The following SNX29 variants were observed in gnomAD, a reference collection of about 807,000 sequenced individuals.
SNX29 encodes the protein sorting nexin-29.
Under a neutral mutation model 102.1 loss-of-function variants are expected in SNX29, and 78 were observed. The ratio of observed to expected loss-of-function variants is 0.76; its 90% CI spans 0.64 to 0.92. SNX29 has a LOEUF of 0.92. SNX29 is among the 40% of genes least tolerant of loss of function. The probability of loss-of-function intolerance (pLI) is 0.00; values close to 1 mark genes in which losing one functional copy is unlikely to be tolerated. For missense variants in SNX29, 1,280 were observed against 1,061.7 expected (o/e 1.21, Z -2.86); for synonymous variants, 580 against 414.5 (o/e 1.40, Z -4.85).
chr16:12,530,537 C>T (rs1001998800), intron 20 of SNX29, among the ~76,000 whole-genome samples: 2 of 138,054 alleles, frequency 1.4e-5, no homozygotes, highest in African/African-American at 5.5e-5. Flanking sequence ...TGAAATTTGC[C>T]TTCGTTTTTT....
intron 18 of SNX29, among the ~76,000 whole-genome samples, chr16:12,461,978 A>ATAATAT (rs869301507): frequency 1.8e-4 from 5 of 27,352 alleles, no homozygotes; most frequent in African/African-American, 4.1e-4. Flanking sequence ...AAAAAAAAAA[A>ATAATAT]ATATATATAT....
At chr16:12,547,010 A>G (rs1389019284) in intron 20 of SNX29, among the ~76,000 whole-genome samples, 1 of 151,878 alleles carries the variant, frequency 6.6e-6, no homozygotes, top group East Asian at 1.9e-4. Flanking sequence ...TCAGATCCTG[A>G]TAGTTCAACA....
At chr16:12,461,165 A>C (rs1296194191) in intron 18 of SNX29, among the ~76,000 whole-genome samples, 2 of 152,220 alleles carry the variant, frequency 1.3e-5, no homozygotes, top group African/African-American at 4.8e-5. Context: ...TCAAGATTCT[A>C]TCTCAGGCAG....
At chr16:12,296,638 C>T (rs2079990691) in intron 15 of SNX29, among the ~76,000 whole-genome samples, 1 of 150,392 alleles carries the variant, frequency 6.6e-6, no homozygotes, top group Non-Finnish European at 1.5e-5. Context: ...CTGCAGGTCA[C>T]ATTGTGCCAA....
intron 9 of SNX29, among the ~76,000 whole-genome samples, chr16:12,067,841 T>C (rs2051105742): frequency 6.6e-6 from 1 of 152,178 alleles, no homozygotes; most frequent in Non-Finnish European, 1.5e-5. Context: ...GGCCTTAATG[T>C]CACCATGCAG....
At chr16:12,127,134 C>G (rs1394596385) in intron 12 of SNX29, among the ~76,000 whole-genome samples, 1 of 151,812 alleles carries the variant, frequency 6.6e-6, no homozygotes. Flanking sequence ...TGCTGCGTGC[C>G]TGTAATCCCA....
At position 12,091,922 on chromosome 16, in the gene SNX29, C is replaced by T. The variant is rs139380840; in HGVS notation, c.1402+13007C>T. ...TGTCGGTGCCTTGATCTTGGACTTC[C>T]AGCTGCCAGAACTGTGAGAAAATCA... On this transcript the variant is annotated intron_variant, in intron 11 of 20. Coordinates refer to ENST00000566228, the MANE Select transcript of SNX29 (RefSeq NM_032167.5). Among the ~76,000 whole-genome samples, 35 of 152,250 alleles carry T rather than the reference C, an allele frequency of 2.3e-4. No homozygotes were observed. The East Asian group carries it at 6.8e-3, about 29-fold the overall frequency.
At chr16:11,997,461 T>C (rs2151008003) in intron 1 of SNX29, among the ~76,000 whole-genome samples, 2 of 152,130 alleles carry the variant, frequency 1.3e-5, no homozygotes, top group East Asian at 3.9e-4. Flanking sequence ...ACTTTTTCAT[T>C]GATTAGTTTA....
chr16:12,397,244 C>G (rs182771976), intron 16 of SNX29, among the ~76,000 whole-genome samples: 7 of 152,322 alleles, frequency 4.6e-5, no homozygotes, highest in African/African-American at 1.4e-4. Context: ...CTTCAAGTTT[C>G]TTCATTTCTT....
intron 14 of SNX29, among the ~76,000 whole-genome samples, chr16:12,204,978 C>T (rs2077008956): frequency 6.6e-6 from 1 of 152,156 alleles, no homozygotes; most frequent in African/African-American, 2.4e-5. Context: ...GTCAGTTTCC[C>T]TGGGATGAGT....
chr16:12,086,730 A>G (rs1307734643), intron 11 of SNX29: 1 of 152,070 alleles, frequency 6.6e-6, no homozygotes, highest in Non-Finnish European at 1.5e-5. Flanking sequence ...CAAATTTTAA[A>G]ATGAAGAAAA....
chr16:12,433,923 G>A (rs1025460707), intron 18 of SNX29, among the ~76,000 whole-genome samples: 20 of 152,294 alleles, frequency 1.3e-4, no homozygotes, highest in African/African-American at 4.6e-4. Flanking sequence ...TGATGCTTAT[G>A]CCAGTGCTTA....
rs1456934937 is a variant in SNX29, at chr16:12,351,682, G to C, written c.1783-4481G>C. The stretch of plus-strand genomic sequence containing the variant: ...TTTTCTCACAGCCACATTATTTTTG[G>C]AGATCATCTTTCCTGATACTCCAGC... On this transcript the variant is annotated intron_variant, in intron 15 of 20. Transcript: ENST00000566228. Among the ~76,000 whole-genome samples the C allele has an allele frequency of 2.6e-5, 4 of 151,884 alleles. No individual in the cohort carries two copies. In the East Asian group the frequency reaches 7.7e-4, roughly 29 times the overall value.
chr16:12,232,278 G>C (rs1347799521), intron 14 of SNX29, among the ~76,000 whole-genome samples: 4 of 152,192 alleles, frequency 2.6e-5, no homozygotes, highest in Non-Finnish European at 5.9e-5. Flanking sequence ...TGTAATCTTT[G>C]AACTTTGGGA....
chr16:12,572,463 CA>C lies in SNX29; in HGVS notation c.*3836del. 2 of 1,063,662 alleles carry C rather than the reference CA, an allele frequency of 1.9e-6. No homozygotes were observed. The highest frequency in any genetic ancestry group is 2.3e-6 in the Non-Finnish European group (2 of 878,238). 65.9% of individuals were successfully genotyped at this position (1,063,662 alleles called of 1,614,324 possible). A position where few individuals can be genotyped will look rare whatever the true frequency, so the allele number is the denominator to read the frequency against. ...CTTGGTTCTGCATGGTACATTTTGC[CA>C]ACCCTGAGGACCAGTTCTTGGGGTT... is the stretch of plus-strand genomic sequence containing the variant. On this transcript the variant is annotated 3_prime_UTR_variant, in exon 21 of 21. Transcript: ENST00000566228.
chr16:12,061,427 G>T, intron 8 of SNX29, 101 bp from the exon 9 acceptor site: 1 of 912,314 alleles, frequency 1.1e-6, no homozygotes, highest in Non-Finnish European at 1.7e-6. Context: ...GCCCTGCCTT[G>T]GCCTGGTTAG....
intron 18 of SNX29, among the ~76,000 whole-genome samples, chr16:12,442,397 C>T (rs1344136138): frequency 6.6e-6 from 1 of 152,112 alleles, no homozygotes; most frequent in Non-Finnish European, 1.5e-5. Context: ...TCTCTTCTTC[C>T]CTTCTCTCCT....
At chr16:12,536,000 C>G (rs147323192) in intron 20 of SNX29, among the ~76,000 whole-genome samples, 1 of 152,130 alleles carries the variant, frequency 6.6e-6, no homozygotes, top group South Asian at 2.1e-4. Flanking sequence ...GATACCTGTT[C>G]GACACGCACT....
chr16:12,181,453 A>G (rs1404721732), intron 13 of SNX29, among the ~76,000 whole-genome samples: 1 of 152,198 alleles, frequency 6.6e-6, no homozygotes, highest in East Asian at 1.9e-4. Flanking sequence ...TGAGTTTCTG[A>G]TTAGCCTCTC....
Sources: allele counts gnomAD v4.1 joint callset (sites outside exome capture counted in the v4.1 genomes callset), GRCh38; gene constraint gnomAD v4.1.1; transcripts MANE v1.5; gene names NCBI Gene and HGNC (gene_info 2026-07-23, HGNC 2026-07-21).